The following CAND1 variants were observed in gnomAD, a reference collection of about 807,000 sequenced individuals.
CAND1 encodes cullin associated and neddylation dissociated 1, also known as cullin-associated NEDD8-dissociated protein 1.
CAND1 carries 7 observed loss-of-function variants against 108.5 expected under a neutral mutation model. The ratio of observed to expected loss-of-function variants is 0.06; its 90% CI spans 0.04 to 0.12. CAND1 has a LOEUF of 0.12. CAND1 is among the 10% of genes least tolerant of loss of function. The pLI, the probability that CAND1 is intolerant of heterozygous loss-of-function variation, is 1.00. For missense variants in CAND1, 941 were observed against 1,448.7 expected (o/e 0.65, Z 5.69); for synonymous variants, 534 against 512.0 (o/e 1.04, Z -0.58).
intron 13 of CAND1, 58 bp downstream of exon 13, chr12:67,310,374 T>C (rs1391170364): frequency 8.0e-7 from 1 of 1,251,134 alleles, no homozygotes; most frequent in East Asian, 2.3e-5. Flanking sequence ...CTAGAGCAAC[T>C]TTCACCCTTG....
At chr12:67,277,069 G>A (rs2044576651) in intron 1 of CAND1, among the ~76,000 whole-genome samples, 2 of 152,220 alleles carry the variant, frequency 1.3e-5, no homozygotes, top group Admixed American at 6.5e-5. Flanking sequence ...TTAGCTGACT[G>A]TATTACCCAG....
intron 2 of CAND1, among the ~76,000 whole-genome samples, chr12:67,290,971 C>G (rs1245263451): frequency 6.6e-6 from 1 of 152,184 alleles, no homozygotes; most frequent in Non-Finnish European, 1.5e-5. Context: ...TTATGAGAAT[C>G]TAGTGCCTGA....
intron 1 of CAND1, among the ~76,000 whole-genome samples, chr12:67,272,910 T>G (rs2044534448): frequency 6.6e-6 from 1 of 152,176 alleles, no homozygotes; most frequent in African/African-American, 2.4e-5. Flanking sequence ...TTCGCCAGCA[T>G]GGTCTCGATC....
intron 1 of CAND1, among the ~76,000 whole-genome samples, chr12:67,280,182 G>GT (rs1288689034): frequency 6.6e-6 from 1 of 152,184 alleles, no homozygotes; most frequent in Non-Finnish European, 1.5e-5. Context: ...AAAATAAGCA[G>GT]TTTTACAGAA....
chr12:67,282,268 A>G (rs144556490), intron 2 of CAND1: 169 of 400,762 alleles, frequency 4.2e-4, no homozygotes, highest in African/African-American at 3.1e-3. Flanking sequence ...TTTTCTTTTA[A>G]TTCTTACGAA....
Position 67,281,954 on chromosome 12 carries a change from C to G in CAND1, c.113C>G (p.Ser38Cys). Reference sequence around the variant, plus strand: ...TTGATGACGGAACTGCAGAAAGATTCCATCAAGTTGGATGATGATAGTGAA... The same window carrying G: ...TTGATGACGGAACTGCAGAAAGATTGCATCAAGTTGGATGATGATAGTGAA... ...NDLMTELQKD[S>C]IKLDDDSERK... Residue 38 changes from serine to cysteine, a missense_variant, in exon 2 of 15, where the codon TCC becomes TGC. This residue lies in a region of CAND1 where 44 missense variants were observed against 129.1 expected (regional missense o/e 0.34). Coordinates refer to ENST00000545606, the MANE Select transcript of CAND1 (RefSeq NM_018448.5). 6.2e-7 allele frequency: 1 copy of G among 1,610,530 alleles called. No individual in the cohort carries two copies.
intron 7 of CAND1, among the ~76,000 whole-genome samples, chr12:67,301,356 A>G (rs1444829222): frequency 6.6e-6 from 1 of 152,148 alleles, no homozygotes; most frequent in Admixed American, 6.5e-5. Flanking sequence ...AGCCAGTAAA[A>G]AGTTACTACT....
chr12:67,308,916 A>G (rs2044918410), intron 11 of CAND1, among the ~76,000 whole-genome samples: 1 of 151,752 alleles, frequency 6.6e-6, no homozygotes, highest in Admixed American at 6.6e-5. Flanking sequence ...ATATTTTCAA[A>G]TTGCAGGTTT....
intron 2 of CAND1, among the ~76,000 whole-genome samples, chr12:67,283,216 A>G (rs1241641282): frequency 6.6e-6 from 1 of 152,258 alleles, no homozygotes; most frequent in African/African-American, 2.4e-5. Flanking sequence ...TTGTCAGCAT[A>G]GAATTTCCAG....
chr12:67,297,230 A>G (rs1421999379), intron 4 of CAND1, 177 bp from the exon 5 acceptor site: 1 of 697,800 alleles, frequency 1.4e-6, no homozygotes, highest in South Asian at 1.6e-5. Flanking sequence ...CACTTAGCTC[A>G]GGTTTCAGTT....
intron 2 of CAND1, among the ~76,000 whole-genome samples, chr12:67,285,781 C>T (rs1304395808): frequency 6.6e-6 from 1 of 152,094 alleles, no homozygotes; most frequent in African/African-American, 2.4e-5. Context: ...AATGGAATTA[C>T]GTAGTATGTG....
rs1565723736 is a variant in CAND1 at position 67,297,765 on chromosome 12, A to G, written c.766A>G (p.Ile256Val). ...TTTCTTAGGTGAATACCTTGAGAAG[A>G]TAATTCCTTTGGTGGTAAAATTTTG... ...GHRIGEYLEK[I>V]IPLVVKFCNV... The change falls in exon 6 of 15, where the codon ATA becomes GTA. Residue 256 changes from isoleucine to valine, a missense_variant. Around this residue, in one of 9 missense-constraint regions of CAND1, gnomAD observed 697 missense variants for 942.0 expected, o/e 0.74. Coordinates refer to ENST00000545606, the MANE Select transcript of CAND1 (RefSeq NM_018448.5). The G allele has an allele frequency of 1.2e-6, 2 of 1,607,682 alleles. No homozygotes were observed. Among genetic ancestry groups the G allele is most frequent in the Admixed American group, 1.7e-5 (1 of 59,748 alleles).
intron 1 of CAND1, among the ~76,000 whole-genome samples, chr12:67,279,079 A>G (rs1222904213): frequency 6.6e-6 from 1 of 151,220 alleles, no homozygotes; most frequent in African/African-American, 2.4e-5. Flanking sequence ...ACCTCAGCCT[A>G]TATTCCCATC....
At chr12:67,312,571 T>C in intron 14 of CAND1, 35 bp from the exon 15 acceptor site, 1 of 1,444,680 alleles carries the variant, frequency 6.9e-7, no homozygotes, top group Middle Eastern at 1.8e-4. Flanking sequence ...AGCTGTCTTT[T>C]ATAGCATGTA....
At chr12:67,296,074 A>G (rs969475718) in intron 4 of CAND1, among the ~76,000 whole-genome samples, 1 of 152,220 alleles carries the variant, frequency 6.6e-6, no homozygotes, top group African/African-American at 2.4e-5. Flanking sequence ...GTTTTCTAGA[A>G]TAGAGAATGA....
intron 2 of CAND1, among the ~76,000 whole-genome samples, chr12:67,285,855 T>C (rs1326310892): frequency 2.0e-5 from 3 of 152,228 alleles, no homozygotes; most frequent in African/African-American, 7.2e-5. Context: ...TGTATATTAG[T>C]AGTTCATGCC....
At chr12:67,294,290 T>G (rs1478690240) in intron 3 of CAND1, among the ~76,000 whole-genome samples, 1 of 152,196 alleles carries the variant, frequency 6.6e-6, no homozygotes, top group African/African-American at 2.4e-5. Flanking sequence ...CTACTGTAAG[T>G]AGTAACAATT....
intron 8 of CAND1, among the ~76,000 whole-genome samples, chr12:67,303,545 T>C (rs573333866): frequency 1.3e-5 from 2 of 152,292 alleles, no homozygotes; most frequent in South Asian, 4.1e-4. Flanking sequence ...GTCAGACATT[T>C]TTTTTGTTTT....
chr12:67,306,094 C>T lies in CAND1; in HGVS notation c.2426C>T (p.Ala809Val), dbSNP rs906929273. The T allele has an allele frequency of 1.1e-5, 17 of 1,614,046 alleles. No individual in the cohort carries two copies. Among genetic ancestry groups the T allele is most frequent in the Non-Finnish European group, 1.4e-5 (17 of 1,180,024 alleles). ...AAATGTGTAGCTGCCCTTACTCGAG[C>T]ATGCCCTAAAGAGGGACCAGCTGTA... ...IAKCVAALTRACPKEGPAVVG... is the reference protein window; with the variant it reads ...IAKCVAALTRVCPKEGPAVVG... Residue 809 changes from alanine to valine, a missense_variant, in exon 10 of 15, where the codon GCA becomes GTA. Around this residue, in one of 9 missense-constraint regions of CAND1, gnomAD observed 697 missense variants for 942.0 expected, o/e 0.74. Coordinates refer to ENST00000545606, the MANE Select transcript of CAND1 (RefSeq NM_018448.5).
Sources: allele counts gnomAD v4.1 joint callset (sites outside exome capture counted in the v4.1 genomes callset), GRCh38; gene constraint gnomAD v4.1.1; regional missense constraint gnomAD v4.1.1; transcripts MANE v1.5; gene names NCBI Gene and HGNC (gene_info 2026-07-23, HGNC 2026-07-21).